The following CACNA2D3 variants were observed in gnomAD, a reference collection of about 807,000 sequenced individuals.
The protein encoded by CACNA2D3 is calcium voltage-gated channel auxiliary subunit alpha2delta 3.
CACNA2D3 carries 60 observed loss-of-function variants against 160.6 expected under a neutral mutation model. That is an observed-to-expected ratio of 0.37 (90% confidence interval 0.30 to 0.46). The LOEUF (loss-of-function observed/expected upper bound fraction) is 0.46, where lower values mean the gene tolerates loss of function less well. Among genes scored for constraint, CACNA2D3 ranks in the 20% least tolerant of loss-of-function variants. The probability of loss-of-function intolerance (pLI) is 1.00; values close to 1 mark genes in which losing one functional copy is unlikely to be tolerated. For synonymous variants in CACNA2D3, 558 were observed against 492.9 expected (o/e 1.13, Z -1.75); for missense variants, 1,205 against 1,365.0 (o/e 0.88, Z 1.85).
At chr3:54,500,771 A>AT (rs921123398) in intron 4 of CACNA2D3, among the ~76,000 whole-genome samples, 5 of 152,130 alleles carry the variant, frequency 3.3e-5, no homozygotes, top group African/African-American at 1.2e-4. Context: ...TTTACAACTA[A>AT]TTTAAGTCCA....
chr3:54,763,759 A>ATATTGTGTATATATGTG (rs1702142615), intron 12 of CACNA2D3, among the ~76,000 whole-genome samples: 1 of 33,148 alleles, frequency 3.0e-5, no homozygotes, highest in Non-Finnish European at 8.0e-5. Context: ...ATATATATAC[A>ATATTGTGTATATATGTG]CATATATATG....
intron 4 of CACNA2D3, among the ~76,000 whole-genome samples, chr3:54,477,481 C>T (rs1700850030): frequency 6.6e-6 from 1 of 152,118 alleles, no homozygotes; most frequent in Admixed American, 6.5e-5. Flanking sequence ...CCAAGAACAG[C>T]CCCAGCACCC....
rs74726429 is a variant in CACNA2D3 at position 55,074,140 on chromosome 3, G to A, written c.3210G>A (p.Ala1070=). Reference sequence around the variant, plus strand: ...AGAATGCAAGGGAGTGTGGGGGTGCGCCGAGTCTCCAAGCCCAGACAGTCC... The same window carrying A: ...AGAATGCAAGGGAGTGTGGGGGTGCACCGAGTCTCCAAGCCCAGACAGTCC... ...PEENARECGG[A]PSLQAQTVLL... The change falls in exon 38 of 38, where the codon GCG becomes GCA. Residue 1070 remains alanine (A), a synonymous_variant. Transcript: ENST00000474759. 4,459 of 1,613,766 alleles carry A rather than the reference G, an allele frequency of 2.8e-3. 127 individuals are homozygous for A. In the East Asian group the frequency reaches 0.069, roughly 25 times the overall value.
chr3:54,669,218 T>G (rs1296103043), intron 11 of CACNA2D3, among the ~76,000 whole-genome samples: 2 of 152,198 alleles, frequency 1.3e-5, no homozygotes, highest in Non-Finnish European at 2.9e-5. Context: ...CTTGAAATCC[T>G]TAATACTTTT....
chr3:54,958,727 A>G (rs1347118399), intron 27 of CACNA2D3, among the ~76,000 whole-genome samples: 3 of 152,214 alleles, frequency 2.0e-5, no homozygotes, highest in Non-Finnish European at 4.4e-5. Context: ...AGGGCTAAGT[A>G]TGCAACAGAG....
chr3:54,822,832 T>TTTCTTTTCTTTCTTTC (rs1553874401), intron 14 of CACNA2D3, among the ~76,000 whole-genome samples: 11 of 58,026 alleles, frequency 1.9e-4, no homozygotes, highest in African/African-American at 7.8e-4. Context: ...TCTTTCTTTC[T>TTTCTTTTCTTTCTTTC]TTTCTTTCTT....
intron 3 of CACNA2D3, among the ~76,000 whole-genome samples, chr3:54,339,919 A>G (rs1265475767): frequency 6.6e-6 from 1 of 152,178 alleles, no homozygotes; most frequent in Non-Finnish European, 1.5e-5. Context: ...GTAAATATTT[A>G]TTGAGTAACT....
chr3:54,731,935 G>A (rs1701397515), intron 11 of CACNA2D3, among the ~76,000 whole-genome samples: 1 of 152,120 alleles, frequency 6.6e-6, no homozygotes, highest in African/African-American at 2.4e-5. Context: ...TTCCTTCAGT[G>A]TCAAGGCCCT....
At position 54,122,699 on chromosome 3, in the gene CACNA2D3, C is replaced by T. The variant is rs996738127; in HGVS notation, c.-15C>T. 11 of 1,150,324 alleles carry T rather than the reference C, an allele frequency of 9.6e-6. No individual in the cohort carries two copies. Among genetic ancestry groups the T allele is most frequent in the Admixed American group, 4.8e-5 (1 of 20,798 alleles). 71.3% of individuals were successfully genotyped at this position (1,150,324 alleles called of 1,614,324 possible). Reference sequence around the variant, plus strand: ...CTCGTCGCCGCCGCAGCGGGCGCGTCGGAGGGAGCCCAGCATGGCCGGGCC... The same window carrying T: ...CTCGTCGCCGCCGCAGCGGGCGCGTTGGAGGGAGCCCAGCATGGCCGGGCC... On this transcript the variant is annotated 5_prime_UTR_variant, in exon 1 of 38. Coordinates refer to ENST00000474759, the MANE Select transcript of CACNA2D3 (RefSeq NM_018398.3).
At chr3:54,900,706 T>A (rs555679184) in intron 27 of CACNA2D3, among the ~76,000 whole-genome samples, 6 of 152,358 alleles carry the variant, frequency 3.9e-5, no homozygotes, top group Admixed American at 2.6e-4. Context: ...TCTCCCTCAA[T>A]AAGTTGTACT....
chr3:54,534,701 T>C (rs2106648392), intron 5 of CACNA2D3, among the ~76,000 whole-genome samples: 1 of 152,084 alleles, frequency 6.6e-6, no homozygotes, highest in East Asian at 1.9e-4. Flanking sequence ...GGCTAGAGGA[T>C]TGCTTGAGCC....
At chr3:54,223,370 A>T (rs927080953) in intron 2 of CACNA2D3, among the ~76,000 whole-genome samples, 1 of 152,198 alleles carries the variant, frequency 6.6e-6, no homozygotes, top group Non-Finnish European at 1.5e-5. Flanking sequence ...ATATCTAAAC[A>T]TATGTAAATG....
At chr3:54,882,400 C>T (rs1055417265) in intron 21 of CACNA2D3, among the ~76,000 whole-genome samples, 2 of 152,140 alleles carry the variant, frequency 1.3e-5, no homozygotes, top group Non-Finnish European at 2.9e-5. Flanking sequence ...CACACACATA[C>T]ATACATACAT....
intron 4 of CACNA2D3, among the ~76,000 whole-genome samples, chr3:54,392,311 A>G (rs1699296035): frequency 6.6e-6 from 1 of 152,202 alleles, no homozygotes; most frequent in Non-Finnish European, 1.5e-5. Context: ...AGAAGAAAAA[A>G]AAAATGTCCT....
At chr3:54,328,945 G>T (rs988684764) in intron 3 of CACNA2D3, among the ~76,000 whole-genome samples, 1 of 152,166 alleles carries the variant, frequency 6.6e-6, no homozygotes, top group East Asian at 1.9e-4. Flanking sequence ...GGACTGTGGT[G>T]CCCAGGGTGT....
At chr3:54,737,918 G>A (rs1187939033) in intron 11 of CACNA2D3, among the ~76,000 whole-genome samples, 4 of 152,050 alleles carry the variant, frequency 2.6e-5, no homozygotes, top group South Asian at 2.1e-4. Flanking sequence ...CACCTGTCTC[G>A]GCCTCCCAAA....
At chr3:54,271,585 C>G (rs1397896249) in intron 2 of CACNA2D3, among the ~76,000 whole-genome samples, 1 of 152,216 alleles carries the variant, frequency 6.6e-6, no homozygotes. Context: ...TTTCAAGCCA[C>G]AAATTGAGGT....
intron 11 of CACNA2D3, among the ~76,000 whole-genome samples, chr3:54,714,962 A>G (rs771384105): frequency 1.3e-5 from 2 of 152,314 alleles, no homozygotes; most frequent in East Asian, 3.9e-4. Context: ...TTTTTTCTCC[A>G]CACACCAAGC....
chr3:54,896,329 C>T (rs1575537994), intron 25 of CACNA2D3, among the ~76,000 whole-genome samples: 1 of 152,202 alleles, frequency 6.6e-6, no homozygotes, highest in South Asian at 2.1e-4. Flanking sequence ...CTTCTTTACA[C>T]TTGCTCTAAG....
Sources: allele counts gnomAD v4.1 joint callset (sites outside exome capture counted in the v4.1 genomes callset), GRCh38; gene constraint gnomAD v4.1.1; transcripts MANE v1.5; gene names NCBI Gene and HGNC (gene_info 2026-07-23, HGNC 2026-07-21).